Variants in TJP2 observed in about 807,000 individuals in gnomAD.
TJP2 encodes tight junction protein 2, also known as Friedreich ataxia region gene X104 (tight junction protein ZO-2).
Under a neutral mutation model 133.1 loss-of-function variants are expected in TJP2, and 91 were observed. The ratio of observed to expected loss-of-function variants is 0.68; its 90% CI spans 0.58 to 0.81. TJP2 has a LOEUF of 0.81. Among genes scored for constraint, TJP2 ranks in the 40% least tolerant of loss-of-function variants. The pLI is 0.00. For missense variants in TJP2, 1,541 were observed against 1,565.6 expected, an observed-to-expected ratio of 0.98 and a Z score of 0.26; for synonymous variants, 592 against 583.4, an observed-to-expected ratio of 1.01 and a Z score of -0.21.
intron 1 of TJP2, among the ~76,000 whole-genome samples, chr9:69,131,822 A>G (rs568620704): frequency 2.6e-5 from 4 of 152,184 alleles, no homozygotes; most frequent in Non-Finnish European, 4.4e-5. Flanking sequence ...TGGAAAGGAA[A>G]TATTTCACAA....
At chr9:69,205,683 C>A (rs1401740588) in intron 1 of TJP2, among the ~76,000 whole-genome samples, 1 of 152,104 alleles carries the variant, frequency 6.6e-6, no homozygotes, top group Non-Finnish European at 1.5e-5. Context: ...TTCTTTTTTC[C>A]TCTTACAGTT....
chr9:69,131,669 G>C lies in TJP2; in HGVS notation c.-131+9944G>C, dbSNP rs74598312. ...TAAACCAACTGCCTGGTGACTTGCTGTATGGTCAGGAACTGAGTAGCAGCT... is the reference window on the plus strand; with the variant it reads ...TAAACCAACTGCCTGGTGACTTGCTCTATGGTCAGGAACTGAGTAGCAGCT... On this transcript the variant is annotated intron_variant, in intron 1 of 5. Coordinates refer to the TJP2 transcript ENST00000423935. 1.2e-3 allele frequency among the ~76,000 whole-genome samples: 187 copies of C among 152,292 alleles called. 7 individuals are homozygous for C. In the East Asian group the frequency reaches 0.019, roughly 15 times the overall value.
rs546157433 is a variant in TJP2 at position 69,248,436 on chromosome 9, G to T, written c.2880+212G>T. 28 of 1,420,452 alleles carry T rather than the reference G, an allele frequency of 2.0e-5. 1 individual carries two copies. The highest frequency in any genetic ancestry group is 2.6e-5 in the Non-Finnish European group (28 of 1,083,120). The allele number at this position is 1,420,452 out of a possible 1,614,324, so 88.0% of individuals were successfully genotyped here. On this transcript the variant is annotated intron_variant, in intron 19 of 22. Transcript: ENST00000377245. ...AGGTGGACTTCAGAAGAGCTTGAGG[G>T]GTCAGCACTCCGCACACCCATGCCC...
chr9:69,133,883 T>G (rs868545042), intron 1 of TJP2, among the ~76,000 whole-genome samples: 26 of 152,216 alleles, frequency 1.7e-4, no homozygotes, highest in Admixed American at 1.7e-3. Flanking sequence ...CACTTTTCTC[T>G]TTACCTGGAT....
chr9:69,151,547 A>T, intron 1 of TJP2: 2 of 1,200,536 alleles, frequency 1.7e-6, no homozygotes, highest in Non-Finnish European at 2.1e-6. Flanking sequence ...AGCCATCCTA[A>T]AAACGGGCAA....
chr9:69,192,399 G>C (rs893791087), intron 1 of TJP2, among the ~76,000 whole-genome samples: 1 of 152,176 alleles, frequency 6.6e-6, no homozygotes, highest in Admixed American at 6.5e-5. Flanking sequence ...CAGCTGGCTA[G>C]TGCGTACCAG....
intron 15 of TJP2, 40 bp downstream of exon 15, chr9:69,238,013 T>C (rs374709265): frequency 2.0e-6 from 3 of 1,466,208 alleles, no homozygotes; most frequent in South Asian, 2.3e-5. Context: ...AAATTTTTAT[T>C]TTGAAAAATT....
At chr9:69,187,526 A>G (rs1281770329) in intron 1 of TJP2, among the ~76,000 whole-genome samples, 1 of 152,262 alleles carries the variant, frequency 6.6e-6, no homozygotes, top group African/African-American at 2.4e-5. Flanking sequence ...TCAGCAACAT[A>G]AGCAACATAA....
At chr9:69,210,889 G>T (rs1347665676) in intron 1 of TJP2, among the ~76,000 whole-genome samples, 1 of 151,896 alleles carries the variant, frequency 6.6e-6, no homozygotes, top group Non-Finnish European at 1.5e-5. Context: ...ACCATGCCTG[G>T]CTAACTTTAA....
At chr9:69,174,149 G>A (rs947691415), upstream of TJP2, 3 of 1,261,354 alleles carry the variant, frequency 2.4e-6, no homozygotes, top group East Asian at 3.3e-5. Flanking sequence ...ACAGTTTCCC[G>A]GGCCGGGCGG....
intron 2 of TJP2, among the ~76,000 whole-genome samples, chr9:69,153,739 C>G (rs1823602395): frequency 6.6e-6 from 1 of 152,198 alleles, no homozygotes; most frequent in African/African-American, 2.4e-5. Context: ...TAGCCAGCCC[C>G]TCCTGATAAA....
chr9:69,213,055 ATTTTTTTTTTTT>A (rs551659577), intron 2 of TJP2, among the ~76,000 whole-genome samples: 6 of 76,562 alleles, frequency 7.8e-5, no homozygotes, highest in Non-Finnish European at 1.5e-4. Flanking sequence ...GTGGTTCTGC[ATTTTTTTTTTTT>A]TTTTTTTTTT....
intron 12 of TJP2, among the ~76,000 whole-genome samples, chr9:69,235,536 A>C (rs975575362): frequency 6.6e-6 from 1 of 151,786 alleles, no homozygotes; most frequent in Non-Finnish European, 1.5e-5. Flanking sequence ...GTTAGCCAGG[A>C]TGGTCTCGAT....
At chr9:69,236,881 G>T (rs536697280) in intron 13 of TJP2, 68 bp from the exon 14 acceptor site, 2 of 1,542,754 alleles carry the variant, frequency 1.3e-6, no homozygotes, top group South Asian at 2.2e-5. Context: ...GACTGGATTT[G>T]ATTAATGAAA....
At chr9:69,202,020 T>C (rs1015873074) in intron 1 of TJP2, among the ~76,000 whole-genome samples, 4 of 152,198 alleles carry the variant, frequency 2.6e-5, no homozygotes, top group Admixed American at 2.6e-4. Context: ...TGAAGAGTTC[T>C]TGAGTTCAGT....
intron 1 of TJP2, among the ~76,000 whole-genome samples, chr9:69,149,842 A>G (rs1351400918): frequency 6.6e-6 from 1 of 152,132 alleles, no homozygotes; most frequent in African/African-American, 2.4e-5. Flanking sequence ...GCTGGTGAGC[A>G]ACCCATAAAT....
At chr9:69,152,817 CTTTTTTTTTTTTTTTTTTTT>C (rs10543289) in intron 2 of TJP2, among the ~76,000 whole-genome samples, 6 of 47,996 alleles carry the variant, frequency 1.3e-4, no homozygotes, top group African/African-American at 2.7e-4. Flanking sequence ...CTCTGGAGCT[CTTTTTTTTTTTTTTTTTTTT>C]TTTTTTTTTT....
intron 1 of TJP2, among the ~76,000 whole-genome samples, chr9:69,175,460 A>G (rs1423153412): frequency 6.6e-6 from 1 of 152,152 alleles, no homozygotes; most frequent in Non-Finnish European, 1.5e-5. Flanking sequence ...AAGAGATGTA[A>G]TTTTCTGAGA....
At chr9:69,178,158 T>A (rs550344503) in intron 1 of TJP2, among the ~76,000 whole-genome samples, 1 of 152,248 alleles carries the variant, frequency 6.6e-6, no homozygotes, top group South Asian at 2.1e-4. Context: ...CCAAAATACC[T>A]AATCATTTAA....
Sources: allele counts gnomAD v4.1 joint callset (sites outside exome capture counted in the v4.1 genomes callset), GRCh38; gene constraint gnomAD v4.1.1; transcripts MANE v1.5; gene names NCBI Gene and HGNC (gene_info 2026-07-23, HGNC 2026-07-21).